Variants in KCNK2 observed in about 807,000 individuals in gnomAD.
KCNK2 encodes the protein potassium channel subfamily K member 2.
Under a neutral mutation model 40.5 loss-of-function variants are expected in KCNK2, and 21 were observed. The ratio of observed to expected loss-of-function variants is 0.52; its 90% CI spans 0.37 to 0.75. KCNK2 has a LOEUF of 0.75. Among genes scored for constraint, KCNK2 ranks in the 30% least tolerant of loss-of-function variants. KCNK2 has a pLI of 0.00. For synonymous variants in KCNK2, 191 were observed against 202.2 expected, an observed-to-expected ratio of 0.94 and a Z score of 0.47; for missense variants, 399 against 531.6, an observed-to-expected ratio of 0.75 and a Z score of 2.45.
chr1:215,110,690 C>T (rs1660644020), intron 2 of KCNK2, among the ~76,000 whole-genome samples: 2 of 151,954 alleles, frequency 1.3e-5, no homozygotes, highest in African/African-American at 4.8e-5. Flanking sequence ...ATTTTTAAAG[C>T]ATTTTTAGGT....
chr1:215,209,424 T>TACATATATTATATATATA (rs1665495697), intron 6 of KCNK2, among the ~76,000 whole-genome samples: 1 of 54,886 alleles, frequency 1.8e-5, no homozygotes, highest in African/African-American at 8.9e-5. Flanking sequence ...TTATATATAA[T>TACATATATTATATATATA]ATATATAATA....
At chr1:215,034,322 C>G (rs1185990731) in intron 1 of KCNK2, among the ~76,000 whole-genome samples, 1 of 150,232 alleles carries the variant, frequency 6.7e-6, no homozygotes, top group African/African-American at 2.5e-5. Flanking sequence ...TTATACTCTC[C>G]CCAGCTGATG....
At chr1:215,185,712 G>A (rs1664406973) in intron 5 of KCNK2, among the ~76,000 whole-genome samples, 1 of 152,094 alleles carries the variant, frequency 6.6e-6, no homozygotes, top group Admixed American at 6.6e-5. Context: ...AAGAGGAATT[G>A]CTCTAACTTG....
At chr1:215,155,682 G>A (rs1030054600) in intron 3 of KCNK2, among the ~76,000 whole-genome samples, 1 of 151,996 alleles carries the variant, frequency 6.6e-6, no homozygotes, top group African/African-American at 2.4e-5. Flanking sequence ...ACCACACACA[G>A]CTAATTTTTG....
intron 3 of KCNK2, among the ~76,000 whole-genome samples, chr1:215,142,066 C>A (rs1044353466): frequency 1.5e-4 from 23 of 152,066 alleles, no homozygotes; most frequent in African/African-American, 5.3e-4. Flanking sequence ...GCATCACTGA[C>A]TTGAGTTTGT....
At chr1:215,134,593 A>G (rs375777300) in intron 3 of KCNK2, among the ~76,000 whole-genome samples, 2 of 152,116 alleles carry the variant, frequency 1.3e-5, no homozygotes, top group African/African-American at 4.8e-5. Context: ...ATCAGTCTCC[A>G]GTTCTTCTCA....
chr1:215,017,770 T>C (rs538412002), intron 1 of KCNK2, among the ~76,000 whole-genome samples: 41 of 152,304 alleles, frequency 2.7e-4, no homozygotes, highest in African/African-American at 9.9e-4. Context: ...CATACATTAA[T>C]TATCCTGAAT....
chr1:215,125,739 A>AATATGT (rs1661392887), intron 3 of KCNK2, among the ~76,000 whole-genome samples: 1 of 124,328 alleles, frequency 8.0e-6, no homozygotes, highest in Non-Finnish European at 1.6e-5. Context: ...AAGTATAATA[A>AATATGT]ATATATATAT....
intron 5 of KCNK2, among the ~76,000 whole-genome samples, chr1:215,191,408 G>GT: frequency 6.6e-6 from 1 of 152,084 alleles, no homozygotes; most frequent in East Asian, 1.9e-4. Context: ...TAGAGGGACT[G>GT]TTTCCAGCAA....
intron 2 of KCNK2, among the ~76,000 whole-genome samples, chr1:215,119,584 C>A (rs1661091631): frequency 6.6e-6 from 1 of 152,058 alleles, no homozygotes; most frequent in Non-Finnish European, 1.5e-5. Flanking sequence ...AATGTGAATC[C>A]AATCAAGATT....
chr1:215,177,740 A>ATATATATATATATATTTTT (rs71167812), intron 5 of KCNK2, among the ~76,000 whole-genome samples: 1 of 101,582 alleles, frequency 9.8e-6, no homozygotes, highest in African/African-American at 3.5e-5. Flanking sequence ...ATATATATAT[A>ATATATATATATATATTTTT]TTTTTTTTTT....
intron 2 of KCNK2, among the ~76,000 whole-genome samples, chr1:215,101,576 T>A (rs1165726718): frequency 6.6e-6 from 1 of 151,884 alleles, no homozygotes; most frequent in Non-Finnish European, 1.5e-5. Context: ...GGACAAGTGG[T>A]CTGGGCTTTA....
intron 2 of KCNK2, among the ~76,000 whole-genome samples, chr1:215,091,372 A>G (rs1393423696): frequency 2.0e-5 from 3 of 152,180 alleles, no homozygotes; most frequent in African/African-American, 7.2e-5. Flanking sequence ...CTACTCCTCC[A>G]CTTGGTGTCA....
intron 1 of KCNK2, among the ~76,000 whole-genome samples, chr1:215,065,938 C>T (rs151195741): frequency 2.5e-3 from 376 of 152,208 alleles, no homozygotes; most frequent in African/African-American, 8.8e-3. Context: ...TGAGTCCAGC[C>T]TGGGCAACAT....
chr1:215,131,262 C>G (rs1661664940), intron 3 of KCNK2, among the ~76,000 whole-genome samples: 2 of 150,430 alleles, frequency 1.3e-5, no homozygotes, highest in Admixed American at 6.6e-5. Flanking sequence ...ATTTCAAGAC[C>G]AATTTAAAGA....
At chr1:215,038,877 T>C (rs1657470956) in intron 1 of KCNK2, among the ~76,000 whole-genome samples, 1 of 152,090 alleles carries the variant, frequency 6.6e-6, no homozygotes, top group Non-Finnish European at 1.5e-5. Flanking sequence ...TAAGGTCATT[T>C]ACATAAAAAT....
chr1:215,128,706 T>A (rs540156164), intron 3 of KCNK2, among the ~76,000 whole-genome samples: 9 of 151,336 alleles, frequency 5.9e-5, no homozygotes, highest in Non-Finnish European at 1.2e-4. Flanking sequence ...GTCTGTGGCA[T>A]GACTAAGCAA....
chr1:215,125,654 G>A (rs1661388320), intron 3 of KCNK2, among the ~76,000 whole-genome samples: 1 of 151,182 alleles, frequency 6.6e-6, no homozygotes, highest in African/African-American at 2.4e-5. Context: ...GAGTTAATGG[G>A]TGCAGCACAC....
chr1:215,029,654 A>G (rs975792505), intron 1 of KCNK2, among the ~76,000 whole-genome samples: 2 of 148,170 alleles, frequency 1.3e-5, no homozygotes. Flanking sequence ...TATTTAATAT[A>G]TTTGGATATA....
Sources: allele counts gnomAD v4.1 joint callset (sites outside exome capture counted in the v4.1 genomes callset), GRCh38; gene constraint gnomAD v4.1.1; transcripts MANE v1.5; gene names NCBI Gene and HGNC (gene_info 2026-07-23, HGNC 2026-07-21).